The following COLEC11 variants were observed in gnomAD, a reference collection of about 807,000 sequenced individuals.
COLEC11 encodes collectin-11.
In COLEC11, 20 loss-of-function variants were observed where a neutral mutation model predicts 27.3. The ratio of observed to expected loss-of-function variants is 0.73; its 90% CI spans 0.51 to 1.06. The LOEUF (loss-of-function observed/expected upper bound fraction) is 1.06, where lower values mean the gene tolerates loss of function less well. Ranked by LOEUF, COLEC11 falls within the 50% of genes least tolerant of loss-of-function variation. The pLI is 0.00. For missense variants in COLEC11, 310 were observed against 383.0 expected, an observed-to-expected ratio of 0.81 and a Z score of 1.59; for synonymous variants, 163 against 154.7, an observed-to-expected ratio of 1.05 and a Z score of -0.40.
chr2:3,643,787 G>A lies in COLEC11; in HGVS notation c.485G>A (p.Arg162His), dbSNP rs368720161. 30 of 1,613,484 alleles carry A rather than the reference G, an allele frequency of 1.9e-5. No individual in the cohort carries two copies. Among genetic ancestry groups the A allele is most frequent in the Admixed American group, 1.0e-4 (6 of 60,012 alleles). ...KIYLLVKEEK[R>H]YADAQLSCQG... Reference sequence around the variant, plus strand: ...TACCTGCTGGTGAAGGAGGAGAAGCGCTACGCGGACGCCCAGCTGTCCTGC... The same window carrying A: ...TACCTGCTGGTGAAGGAGGAGAAGCACTACGCGGACGCCCAGCTGTCCTGC... The change falls in exon 7 of 7, where the codon CGC (arginine) becomes CAC (histidine). Residue 162 changes from arginine (R) to histidine (H), a missense_variant. Coordinates refer to ENST00000349077, the MANE Select transcript of COLEC11 (RefSeq NM_024027.5).
chr2:3,605,554 GGA>G (rs1662609193), intron 2 of COLEC11: 1 of 83,596 alleles, frequency 1.2e-5, no homozygotes, highest in Admixed American at 1.3e-4. Flanking sequence ...GAGGGGGAGG[GGA>G]GTCACGTGGG....
intron 2 of COLEC11, among the ~76,000 whole-genome samples, chr2:3,611,226 T>C (rs1663165441): frequency 6.6e-6 from 1 of 152,242 alleles, no homozygotes; most frequent in African/African-American, 2.4e-5. Context: ...GCATTTCTTA[T>C]TAGTGCTGCC....
intron 3 of COLEC11, among the ~76,000 whole-genome samples, chr2:3,625,228 G>C (rs1012371889): frequency 6.6e-6 from 1 of 152,098 alleles, no homozygotes; most frequent in Admixed American, 6.6e-5. Context: ...GCTTTTTCAG[G>C]CTCCGAGGCC....
chr2:3,604,566 GC>G, intron 2 of COLEC11, 96 bp downstream of exon 2: 1 of 1,405,748 alleles, frequency 7.1e-7, no homozygotes, highest in Non-Finnish European at 1.0e-6. Context: ...AAAGCACAAA[GC>G]CCCAGCAAAT....
chr2:3,641,018 ACCC>A (rs1665820815), intron 5 of COLEC11, among the ~76,000 whole-genome samples: 16 of 71,252 alleles, frequency 2.2e-4, no homozygotes, highest in Admixed American at 2.1e-3. Context: ...CACGGTGGAC[ACCC>A]ACCCACCATG....
rs927899447 is a variant in COLEC11, at chr2:3,604,597, TCA to T, written c.130+128_130+129del. On this transcript the variant is annotated intron_variant, in intron 2 of 6. Transcript: ENST00000349077. ...GCAAATCTGCTTACCCCATTGGGTC[TCA>T]GTTTCCCCATCTGGAAATCAAGGGT... The T allele has an allele frequency of 6.8e-6, 7 of 1,023,126 alleles. No homozygotes were observed. In the African/African-American group the frequency reaches 7.8e-5, roughly 11 times the overall value. The allele number at this position is 1,023,126 out of a possible 1,614,324, so 63.4% of individuals were successfully genotyped here. A position where few individuals can be genotyped will look rare whatever the true frequency, so the allele number is the denominator to read the frequency against.
At position 3,601,722 on chromosome 2, in the gene COLEC11, C is replaced by A. The variant is rs1662238849; in HGVS notation, c.-26-2593C>A. Among the ~76,000 whole-genome samples the A allele has an allele frequency of 3.9e-5, 6 of 152,332 alleles. No homozygotes were observed. The South Asian group carries it at 1.2e-3, about 32-fold the overall frequency. ...TCTGTCATCTTCGGCAAGTGAAGCTCTCCCACGCGCGTGCCCAAGCCCTGG... is the reference window on the plus strand; with the variant it reads ...TCTGTCATCTTCGGCAAGTGAAGCTATCCCACGCGCGTGCCCAAGCCCTGG... On this transcript the variant is annotated intron_variant, in intron 1 of 6. Coordinates refer to ENST00000349077, the MANE Select transcript of COLEC11 (RefSeq NM_024027.5).
chr2:3,640,398 T>TTACGGCGACCACCG, intron 5 of COLEC11, 67 bp downstream of exon 5: 1 of 713,834 alleles, frequency 1.4e-6, no homozygotes, highest in Non-Finnish European at 2.3e-6. Flanking sequence ...GAAAACAATG[T>TTACGGCGACCACCG]AGATCTACAC....
At chr2:3,616,224 C>T (rs1454122052) in intron 3 of COLEC11, among the ~76,000 whole-genome samples, 50 of 151,444 alleles carry the variant, frequency 3.3e-4, no homozygotes, top group Admixed American at 1.8e-3. Flanking sequence ...AGACGCTCCT[C>T]ACTTCCCAGA....
In COLEC11 at chr2:3,615,502, A is replaced by C. The variant is rs964266615; in HGVS notation, c.202+2120A>C. On this transcript the variant is annotated intron_variant, in intron 3 of 6. Coordinates refer to ENST00000349077, the MANE Select transcript of COLEC11 (RefSeq NM_024027.5). ...ATCCCAAGGCAGAAGAATTTTTCTT[A>C]GTACAGAACAAAATGGAGTCTCCCA... 9.8e-5 allele frequency among the ~76,000 whole-genome samples: 15 copies of C among 152,382 alleles called. No individual in the cohort carries two copies. The East Asian group carries it at 2.9e-3, about 29-fold the overall frequency.
rs780148541 is a variant in COLEC11, at chr2:3,643,559, G to C, written c.424+20G>C. The stretch of plus-strand genomic sequence containing the variant: ...AGAATGGTATGTGGCTCCCGGCGCC[G>C]CCCTCGCTCCCTCCCACCTCCCAGC... On this transcript the variant is annotated intron_variant, in intron 6 of 6. Transcript: ENST00000349077. The C allele has an allele frequency of 1.2e-6, 2 of 1,608,030 alleles. No homozygotes were observed. The highest frequency in any genetic ancestry group is 3.3e-5 in the Admixed American group (2 of 60,000).
At chr2:3,603,836 G>A (rs1662422682) in intron 1 of COLEC11, 6 of 640,662 alleles carry the variant, frequency 9.4e-6, no homozygotes, top group Non-Finnish European at 1.6e-5. Flanking sequence ...AGGAGATGTG[G>A]GGGCGTGGAT....
At chr2:3,623,413 T>A (rs528426221) in intron 3 of COLEC11, among the ~76,000 whole-genome samples, 2 of 152,282 alleles carry the variant, frequency 1.3e-5, no homozygotes, top group South Asian at 4.1e-4. Flanking sequence ...CTAATACAAC[T>A]TCCATAATGT....
At chr2:3,610,991 T>C in intron 2 of COLEC11, among the ~76,000 whole-genome samples, 1 of 152,198 alleles carries the variant, frequency 6.6e-6, no homozygotes, top group African/African-American at 2.4e-5. Context: ...CTCTGACATG[T>C]CTGAGTTACT....
rs770946789 is a variant in COLEC11, at chr2:3,643,941, C to T, written c.639C>T (p.Ala213=). ...TCAACGACCTGGAGAAGGAGGGCGC[C>T]TTCGTGTACTCTGACCACTCCCCCA... ...IGINDLEKEG[A]FVYSDHSPMR... is the part of the protein sequence containing the mutation. The change falls in exon 7 of 7, where the codon GCC becomes GCT. Residue 213 remains alanine (A), a synonymous_variant. Transcript: ENST00000349077. 1.9e-6 allele frequency: 3 copies of T among 1,614,174 alleles called. No individual in the cohort carries two copies. The highest frequency in any genetic ancestry group is 2.5e-6 in the Non-Finnish European group (3 of 1,180,052).
rs61754914 is a variant in COLEC11 at position 3,617,580 on chromosome 2, T to A, written c.202+4198T>A. Reference sequence around the variant, plus strand: ...TTGCCTGCTTGCTTCTCCTGTTCAGTCGTTTCTTTGGAAGGCAGTGGATTT... The same window carrying A: ...TTGCCTGCTTGCTTCTCCTGTTCAGACGTTTCTTTGGAAGGCAGTGGATTT... On this transcript the variant is annotated intron_variant, in intron 3 of 6. Transcript: ENST00000349077. 7,647 of 1,609,700 alleles carry A rather than the reference T, an allele frequency of 4.8e-3. 260 individuals are homozygous for A. In the African/African-American group the frequency reaches 0.082, roughly 17 times the overall value.
At position 3,644,638 on chromosome 2, in the gene COLEC11, A is replaced by G. The variant is rs776053046; in HGVS notation, c.*520A>G. The G allele has an allele frequency of 9.7e-5, 35 of 360,736 alleles. No homozygotes were observed. The highest frequency in any genetic ancestry group is 1.8e-4 in the Non-Finnish European group (34 of 185,338). 22.3% of individuals were successfully genotyped at this position (360,736 alleles called of 1,614,324 possible). A position where few individuals can be genotyped will look rare whatever the true frequency, so the allele number is the denominator to read the frequency against. On this transcript the variant is annotated 3_prime_UTR_variant, in exon 7 of 7. Coordinates refer to ENST00000349077, the MANE Select transcript of COLEC11 (RefSeq NM_024027.5). ...AGGAAAACAACAACAAAATTCTCCA[A>G]ACTTTACTACTAAATGTGTGGAGTC...
intron 3 of COLEC11, among the ~76,000 whole-genome samples, chr2:3,615,829 ACGCGGCGGC>A (rs1558498903): frequency 2.9e-4 from 8 of 27,216 alleles, no homozygotes; most frequent in Admixed American, 1.2e-3. Flanking sequence ...TCCCTCCCGG[ACGCGGCGGC>A]TGGCCGGGCA....
At chr2:3,626,095 A>C in intron 3 of COLEC11, 1 of 1,612,390 alleles carries the variant, frequency 6.2e-7, no homozygotes, top group African/African-American at 1.3e-5. Flanking sequence ...ATCACAGGGT[A>C]ATGGATCTGG....
Sources: allele counts gnomAD v4.1 joint callset (sites outside exome capture counted in the v4.1 genomes callset), GRCh38; gene constraint gnomAD v4.1.1; transcripts MANE v1.5; gene names NCBI Gene and HGNC (gene_info 2026-07-23, HGNC 2026-07-21).